Variants in PDE4D observed in about 807,000 individuals in gnomAD.
PDE4D encodes the protein 3',5'-cyclic-AMP phosphodiesterase 4D.
PDE4D carries 24 observed loss-of-function variants against 87.4 expected under a neutral mutation model. That is an observed-to-expected ratio of 0.27 (90% CI 0.20 to 0.39). PDE4D has a LOEUF of 0.39. PDE4D is among the 10% of genes least tolerant of loss of function. PDE4D has a pLI of 1.00. For missense variants in PDE4D, 714 were observed against 1,041.0 expected, an observed-to-expected ratio of 0.69 and a Z score of 4.32; for synonymous variants, 384 against 383.2, an observed-to-expected ratio of 1.00 and a Z score of -0.02.
chr5:59,005,566 A>C (rs1201060612), intron 6 of PDE4D, among the ~76,000 whole-genome samples: 1 of 152,228 alleles, frequency 6.6e-6, no homozygotes, highest in African/African-American at 2.4e-5. Flanking sequence ...TAGAAGAGAA[A>C]TTTGAATAGA....
intron 6 of PDE4D, among the ~76,000 whole-genome samples, chr5:59,030,420 T>C (rs1180781515): frequency 1.3e-4 from 2 of 14,852 alleles, no homozygotes; most frequent in Non-Finnish European, 2.8e-4. Context: ...CCAACAGAGA[T>C]ACAAAAAAAA....
intron 5 of PDE4D, among the ~76,000 whole-genome samples, chr5:59,050,366 T>C (rs1761356485): frequency 6.6e-6 from 1 of 152,184 alleles, no homozygotes; most frequent in South Asian, 2.1e-4. Flanking sequence ...AAAGGTAATT[T>C]CTTATGTACA....
chr5:60,105,305 T>A (rs1562098671), intron 2 of PDE4D, among the ~76,000 whole-genome samples: 1 of 151,698 alleles, frequency 6.6e-6, no homozygotes, highest in Admixed American at 6.6e-5. Flanking sequence ...GAAGGGAAGT[T>A]TAGAGAAAAA....
chr5:59,268,658 T>G (rs1459767806), intron 1 of PDE4D, among the ~76,000 whole-genome samples: 1 of 152,140 alleles, frequency 6.6e-6, no homozygotes, highest in Non-Finnish European at 1.5e-5. Flanking sequence ...GATTTTTTAT[T>G]AAGACTGTGC....
At chr5:60,273,654 G>C (rs1751049279) in intron 1 of PDE4D, among the ~76,000 whole-genome samples, 1 of 152,170 alleles carries the variant, frequency 6.6e-6, no homozygotes, top group Non-Finnish European at 1.5e-5. Context: ...ATGGTGAAAA[G>C]TAGGTGGAAT....
chr5:59,019,384 A>G (rs969662960), intron 6 of PDE4D, among the ~76,000 whole-genome samples: 1 of 152,172 alleles, frequency 6.6e-6, no homozygotes, highest in Non-Finnish European at 1.5e-5. Context: ...TAGTTTCTTC[A>G]TAATATTTTC....
At chr5:60,201,206 CAA>C (rs1161235940) in intron 1 of PDE4D, among the ~76,000 whole-genome samples, 23 of 61,900 alleles carry the variant, frequency 3.7e-4, no homozygotes, top group Non-Finnish European at 6.7e-4. Flanking sequence ...AAAAAGAAAG[CAA>C]AAAAAAAAAA....
chr5:60,333,803 T>C (rs1448584698), intron 1 of PDE4D, among the ~76,000 whole-genome samples: 2 of 152,062 alleles, frequency 1.3e-5, no homozygotes, highest in African/African-American at 4.8e-5. Flanking sequence ...ATCTCACCCA[T>C]TTCCACAAGC....
chr5:59,679,812 CATGT>C (rs1395658191), intron 1 of PDE4D, among the ~76,000 whole-genome samples: 3 of 152,008 alleles, frequency 2.0e-5, no homozygotes, highest in Non-Finnish European at 4.4e-5. Flanking sequence ...TAATAATGTA[CATGT>C]ATGTAACTCA....
chr5:59,186,705 C>T (rs977167061), intron 3 of PDE4D, among the ~76,000 whole-genome samples: 1 of 152,116 alleles, frequency 6.6e-6, no homozygotes, highest in Admixed American at 6.6e-5. Flanking sequence ...AGAGAATTTT[C>T]CCCTAAAGGA....
At chr5:60,355,146 A>G (rs1165049389) in intron 1 of PDE4D, among the ~76,000 whole-genome samples, 1 of 152,224 alleles carries the variant, frequency 6.6e-6, no homozygotes, top group Non-Finnish European at 1.5e-5. Context: ...ATTATGTGCC[A>G]CTACTGCACT....
intron 5 of PDE4D, among the ~76,000 whole-genome samples, chr5:59,154,380 T>C (rs1013403352): frequency 1.3e-5 from 2 of 152,234 alleles, no homozygotes; most frequent in African/African-American, 4.8e-5. Flanking sequence ...TTTGATATTA[T>C]AGATGTGGTT....
chr5:59,222,765 T>C (rs1399938782), intron 1 of PDE4D, among the ~76,000 whole-genome samples: 2 of 152,196 alleles, frequency 1.3e-5, no homozygotes, highest in African/African-American at 4.8e-5. Context: ...CCACTTCCTA[T>C]TTGGGTGCTC....
At chr5:60,456,053 A>G (rs1214976243) in intron 1 of PDE4D, among the ~76,000 whole-genome samples, 1 of 152,088 alleles carries the variant, frequency 6.6e-6, no homozygotes, top group Admixed American at 6.6e-5. Context: ...CAGCCCAAAC[A>G]TCTAAGATTC....
At chr5:59,518,383 C>T (rs1009086373) in intron 1 of PDE4D, among the ~76,000 whole-genome samples, 4 of 151,958 alleles carry the variant, frequency 2.6e-5, no homozygotes, top group African/African-American at 9.7e-5. Flanking sequence ...TATTGTGTAG[C>T]TGAGTCATGA....
chr5:59,193,888 G>C, intron 2 of PDE4D: 1 of 519,356 alleles, frequency 1.9e-6, no homozygotes, highest in African/African-American at 2.1e-5. Context: ...GGGTGCTGTG[G>C]AAGGAACCAG....
chr5:59,314,543 G>A (rs1048635617), intron 1 of PDE4D: 2 of 152,124 alleles, frequency 1.3e-5, no homozygotes, highest in African/African-American at 4.8e-5. Context: ...ATGCAGTCAT[G>A]GACAACAGAC....
intron 3 of PDE4D, among the ~76,000 whole-genome samples, chr5:59,948,268 G>T (rs569446642): frequency 2.5e-4 from 38 of 152,018 alleles, no homozygotes; most frequent in Non-Finnish European, 4.3e-4. Context: ...TTGTGGCCTG[G>T]GTTATGCCTG....
At chr5:59,764,554 T>C (rs538217820) in intron 1 of PDE4D, among the ~76,000 whole-genome samples, 1 of 151,714 alleles carries the variant, frequency 6.6e-6, no homozygotes, top group South Asian at 2.1e-4. Flanking sequence ...TTTAAATGGA[T>C]CATGAAAACC....
Sources: allele counts gnomAD v4.1 joint callset (sites outside exome capture counted in the v4.1 genomes callset), GRCh38; gene constraint gnomAD v4.1.1; transcripts MANE v1.5; gene names NCBI Gene and HGNC (gene_info 2026-07-23, HGNC 2026-07-21).